Variants in CHRNA7 observed in about 807,000 individuals in gnomAD.
CHRNA7 encodes neuronal acetylcholine receptor subunit alpha-7.
In CHRNA7, 17 loss-of-function variants were observed where a neutral mutation model predicts 48.0. The ratio of observed to expected loss-of-function variants is 0.35; its 90% CI spans 0.24 to 0.53. The LOEUF is 0.53. CHRNA7 is among the 20% of genes least tolerant of loss of function. CHRNA7 has a pLI of 0.92. For synonymous variants in CHRNA7, 75 were observed against 242.3 expected, an observed-to-expected ratio of 0.31 and a Z score of 6.41; for missense variants, 155 against 577.7, an observed-to-expected ratio of 0.27 and a Z score of 7.50.
intron 4 of CHRNA7, among the ~76,000 whole-genome samples, chr15:32,148,881 G>C (rs547739531): frequency 6.6e-6 from 1 of 152,216 alleles, no homozygotes; most frequent in African/African-American, 2.4e-5. Flanking sequence ...GTCCACATCC[G>C]TTTCCGTCTT....
At chr15:32,102,869 T>C (rs981135503) in intron 3 of CHRNA7, 1 of 152,242 alleles carries the variant, frequency 6.6e-6, no homozygotes, top group Admixed American at 6.5e-5. Flanking sequence ...AATGTAGTTT[T>C]TATCAAATGT....
intron 2 of CHRNA7, among the ~76,000 whole-genome samples, chr15:32,050,164 C>T (rs931878203): frequency 2.0e-5 from 3 of 152,140 alleles, no homozygotes; most frequent in Non-Finnish European, 4.4e-5. Flanking sequence ...GTGGTGTTCT[C>T]TGTATTTCCT....
chr15:32,126,070 A>G (rs111978596), intron 4 of CHRNA7, among the ~76,000 whole-genome samples: 40 of 152,196 alleles, frequency 2.6e-4, no homozygotes, highest in African/African-American at 9.6e-4. Flanking sequence ...CCTGATACCT[A>G]GTTTGTGCTT....
chr15:32,094,807 C>G (rs972505177), intron 2 of CHRNA7, among the ~76,000 whole-genome samples: 2 of 152,124 alleles, frequency 1.3e-5, no homozygotes, highest in African/African-American at 2.4e-5. Context: ...ACTGCAGGTG[C>G]CTGCCACCGC....
chr15:32,092,069 A>G lies in CHRNA7; in HGVS notation c.196-9234A>G, dbSNP rs771377937. On this transcript the variant is annotated intron_variant, in intron 2 of 9. Coordinates refer to ENST00000306901, the MANE Select transcript of CHRNA7 (RefSeq NM_000746.6). ...GCTCTAGCTATGGCTTCTTTGTTTC[A>G]CTTCCATTTCCAACTTCTGTAATGG... 2.0e-3 allele frequency among the ~76,000 whole-genome samples: 305 copies of G among 152,096 alleles called. 1 individual carries two copies. Among genetic ancestry groups the G allele is most frequent in the Admixed American group, 1.8e-3 (27 of 15,282 alleles).
At chr15:32,128,537 A>G (rs2051106509) in intron 4 of CHRNA7, among the ~76,000 whole-genome samples, 1 of 151,928 alleles carries the variant, frequency 6.6e-6, no homozygotes, top group Non-Finnish European at 1.5e-5. Context: ...CCAGTTGTAA[A>G]TGATACTGCA....
chr15:32,144,864 G>A (rs1009253567), intron 4 of CHRNA7, among the ~76,000 whole-genome samples: 7 of 152,058 alleles, frequency 4.6e-5, no homozygotes, highest in African/African-American at 1.7e-4. Context: ...GTTCGAACAT[G>A]CTCCTTTAGC....
At chr15:32,070,750 G>A (rs1566817841) in intron 2 of CHRNA7, among the ~76,000 whole-genome samples, 2 of 119,872 alleles carry the variant, frequency 1.7e-5, no homozygotes, top group Non-Finnish European at 3.2e-5. Flanking sequence ...GCAGTGGCAC[G>A]ATCTTGGCTC....
chr15:32,123,178 T>A (rs1331091031), intron 4 of CHRNA7, among the ~76,000 whole-genome samples: 1 of 152,176 alleles, frequency 6.6e-6, no homozygotes, highest in Non-Finnish European at 1.5e-5. Flanking sequence ...TTTGATGATG[T>A]TGTTAAATGG....
At chr15:32,116,495 C>T (rs1382463123) in intron 4 of CHRNA7, among the ~76,000 whole-genome samples, 1 of 152,212 alleles carries the variant, frequency 6.6e-6, no homozygotes, top group Non-Finnish European at 1.5e-5. Context: ...CCAGTCATTT[C>T]TTTGTTGCTT....
intron 1 of CHRNA7, 124 bp from the exon 2 acceptor site, chr15:32,030,774 G>A (rs1002014641): frequency 1.3e-6 from 2 of 1,504,364 alleles, no homozygotes; most frequent in African/African-American, 2.9e-5. Context: ...GGGCAGCGGG[G>A]GCGCTGCGGG....
intron 2 of CHRNA7, among the ~76,000 whole-genome samples, chr15:32,050,827 G>T (rs1052946924): frequency 3.3e-5 from 5 of 152,114 alleles, no homozygotes; most frequent in African/African-American, 1.2e-4. Context: ...GGTTTTTGGT[G>T]TGGATGTCCT....
chr15:32,098,260 C>T (rs900317746), intron 2 of CHRNA7, among the ~76,000 whole-genome samples: 3 of 152,034 alleles, frequency 2.0e-5, no homozygotes, highest in Admixed American at 6.5e-5. Flanking sequence ...GCAGCAGGGT[C>T]GGGACGTGCT....
intron 2 of CHRNA7, among the ~76,000 whole-genome samples, chr15:32,061,910 C>T (rs1213301899): frequency 6.6e-6 from 1 of 152,154 alleles, no homozygotes; most frequent in Non-Finnish European, 1.5e-5. Flanking sequence ...TACCACACCT[C>T]TTACATTCTG....
At chr15:32,103,515 A>T (rs2050609698) in intron 3 of CHRNA7, among the ~76,000 whole-genome samples, 1 of 146,298 alleles carries the variant, frequency 6.8e-6, no homozygotes, top group Non-Finnish European at 1.5e-5. Flanking sequence ...GCAGAACCTA[A>T]CATTAGTCAG....
At position 32,086,165 on chromosome 15, in the gene CHRNA7, C is replaced by T. The variant is rs369893244; in HGVS notation, c.196-15138C>T. 2.4e-4 allele frequency among the ~76,000 whole-genome samples: 36 copies of T among 152,012 alleles called. No individual in the cohort carries two copies. In the South Asian group the frequency reaches 6.9e-3, roughly 29 times the overall value. ...CGGGCAGATCATGAGGTCAGGAGAT[C>T]GGGACCATCCTGGCTAACATGGTGA... On this transcript the variant is annotated intron_variant, in intron 2 of 9. Coordinates refer to ENST00000306901, the MANE Select transcript of CHRNA7 (RefSeq NM_000746.6).
chr15:32,066,849 C>T (rs1471408338), intron 2 of CHRNA7, among the ~76,000 whole-genome samples: 1 of 151,908 alleles, frequency 6.6e-6, no homozygotes, highest in Non-Finnish European at 1.5e-5. Context: ...GATGCATAGA[C>T]ATAAAAAATT....
At chr15:32,088,857 A>C (rs1405549566) in intron 2 of CHRNA7, among the ~76,000 whole-genome samples, 2 of 152,214 alleles carry the variant, frequency 1.3e-5, no homozygotes, top group Non-Finnish European at 2.9e-5. Context: ...ATTGTATCCC[A>C]GTCTGTAGTT....
intron 2 of CHRNA7, among the ~76,000 whole-genome samples, chr15:32,051,253 T>C (rs2049668928): frequency 6.6e-6 from 1 of 151,824 alleles, no homozygotes; most frequent in South Asian, 2.1e-4. Flanking sequence ...CCCCCAGAGG[T>C]GGAGCCTACG....
Sources: gnomAD v4.1 joint callset for allele counts (sites outside exome capture counted in the v4.1 genomes callset) on GRCh38, gnomAD v4.1.1 for gene constraint, MANE v1.5 for transcripts, NCBI Gene and HGNC (gene_info 2026-07-23, HGNC 2026-07-21) for gene names.